The following FER variants were observed in gnomAD, a reference collection of about 807,000 sequenced individuals.
FER encodes the protein tyrosine-protein kinase Fer.
A neutral mutation model predicts 111.0 loss-of-function variants in FER; 63 were observed. That is an observed-to-expected ratio of 0.57 (90% CI 0.46 to 0.70). The LOEUF (loss-of-function observed/expected upper bound fraction) is 0.70, where lower values mean the gene tolerates loss of function less well. Ranked by LOEUF, FER falls within the 30% of genes least tolerant of loss-of-function variation. FER has a pLI of 0.00. For synonymous variants in FER, 327 were observed against 313.9 expected (o/e 1.04, Z -0.44); for missense variants, 914 against 954.0 (o/e 0.96, Z 0.55).
chr5:108,997,291 G>A (rs1233213409), intron 13 of FER, among the ~76,000 whole-genome samples: 13 of 150,950 alleles, frequency 8.6e-5, no homozygotes, highest in African/African-American at 2.9e-4. Context: ...GGTGGTGGGC[G>A]CCTGTAGTCC....
intron 16 of FER, among the ~76,000 whole-genome samples, chr5:109,053,025 G>C (rs1328248469): frequency 1.3e-5 from 2 of 152,098 alleles, no homozygotes; most frequent in African/African-American, 4.8e-5. Flanking sequence ...AGTCATGCAG[G>C]TATTTCAAAT....
chr5:108,800,813 G>A (rs1756558131), intron 3 of FER, among the ~76,000 whole-genome samples: 1 of 152,200 alleles, frequency 6.6e-6, no homozygotes, highest in Admixed American at 6.5e-5. Context: ...TTGGGAGGCC[G>A]AGATGGGCGG....
intron 3 of FER, among the ~76,000 whole-genome samples, chr5:108,809,206 C>T (rs1017258041): frequency 2.0e-5 from 3 of 152,076 alleles, no homozygotes; most frequent in African/African-American, 7.2e-5. Flanking sequence ...TTTACTTTTT[C>T]TCCTTCTTTC....
intron 13 of FER, among the ~76,000 whole-genome samples, chr5:108,988,854 T>C (rs1245566368): frequency 6.6e-6 from 1 of 152,144 alleles, no homozygotes; most frequent in African/African-American, 2.4e-5. Flanking sequence ...TTTGGTTTCT[T>C]CTTGTTTCTT....
intron 16 of FER, chr5:109,051,868 C>T: frequency 1.3e-6 from 2 of 1,564,784 alleles, no homozygotes; most frequent in South Asian, 1.1e-5. Context: ...AGAGAGGAAG[C>T]AGTCCACCTG....
chr5:109,017,680 A>G (rs188319167), intron 13 of FER, among the ~76,000 whole-genome samples: 70 of 152,092 alleles, frequency 4.6e-4, no homozygotes, highest in South Asian at 1.7e-3. Context: ...GATATATATC[A>G]TCATTGCTCT....
intron 3 of FER, among the ~76,000 whole-genome samples, chr5:108,831,121 G>T (rs538552629): frequency 2.6e-5 from 4 of 152,256 alleles, no homozygotes; most frequent in African/African-American, 9.6e-5. Flanking sequence ...ACCCAATTGT[G>T]TGGTTTTTTG....
chr5:109,095,853 G>A (rs1453604040), intron 16 of FER, among the ~76,000 whole-genome samples: 2 of 152,118 alleles, frequency 1.3e-5, no homozygotes, highest in African/African-American at 4.8e-5. Context: ...ATAATTGAAT[G>A]TAGCTAAACC....
intron 13 of FER, among the ~76,000 whole-genome samples, chr5:108,997,341 C>G (rs1764123484): frequency 6.6e-6 from 1 of 150,754 alleles, no homozygotes; most frequent in Admixed American, 6.6e-5. Flanking sequence ...TGGCGTGAAC[C>G]CAGGAGGCAG....
chr5:108,893,706 C>G (rs1441041597), intron 9 of FER, among the ~76,000 whole-genome samples: 1 of 151,634 alleles, frequency 6.6e-6, no homozygotes, highest in African/African-American at 2.4e-5. Flanking sequence ...CGAACAGCAA[C>G]AAGACAAAAG....
chr5:108,762,903 G>C (rs1751919751), intron 1 of FER, among the ~76,000 whole-genome samples: 1 of 152,122 alleles, frequency 6.6e-6, no homozygotes, highest in Non-Finnish European at 1.5e-5. Context: ...TATCTGTAAA[G>C]TCTTTAATCA....
intron 17 of FER, among the ~76,000 whole-genome samples, chr5:109,137,874 T>C (rs1753070068): frequency 6.6e-6 from 1 of 152,212 alleles, no homozygotes; most frequent in Non-Finnish European, 1.5e-5. Context: ...ATCTTTTTCT[T>C]ATGGACTTAC....
intron 9 of FER, among the ~76,000 whole-genome samples, chr5:108,888,582 T>G (rs1477428488): frequency 6.6e-6 from 1 of 151,882 alleles, no homozygotes; most frequent in Non-Finnish European, 1.5e-5. Context: ...CGTTTTAAAT[T>G]TATTTATGGC....
At chr5:108,985,239 T>C (rs1292557929) in intron 13 of FER, among the ~76,000 whole-genome samples, 1 of 152,154 alleles carries the variant, frequency 6.6e-6, no homozygotes, top group East Asian at 1.9e-4. Flanking sequence ...TGTACAAATA[T>C]AGCTCTGAAT....
intron 17 of FER, among the ~76,000 whole-genome samples, chr5:109,104,614 G>A (rs1748656834): frequency 6.6e-6 from 1 of 151,998 alleles, no homozygotes; most frequent in African/African-American, 2.4e-5. Context: ...GTAAGAGAGA[G>A]CTTGACTTAA....
rs1759600642 is a variant in FER at position 109,194,496 on chromosome 5, T to C, written c.*6921T>C. The C allele has an allele frequency of 6.6e-6, 1 of 152,200 alleles. No individual in the cohort carries two copies. The highest frequency in any genetic ancestry group is 1.5e-5 in the Non-Finnish European group (1 of 68,026). The allele number at this position is 152,200 out of a possible 1,614,324, so 9.4% of individuals were successfully genotyped here. A position where few individuals can be genotyped will look rare whatever the true frequency, so the allele number is the denominator to read the frequency against. On this transcript the variant is annotated 3_prime_UTR_variant, in exon 20 of 20. Transcript: ENST00000281092. ...ATCAGAATAAGCACGTTGTAAATAGTATCCAAAGCAGATTCTAAAATGACA... is the reference window on the plus strand; with the variant it reads ...ATCAGAATAAGCACGTTGTAAATAGCATCCAAAGCAGATTCTAAAATGACA...
At chr5:108,770,470 G>T (rs1752782299) in intron 2 of FER, among the ~76,000 whole-genome samples, 1 of 152,098 alleles carries the variant, frequency 6.6e-6, no homozygotes, top group African/African-American at 2.4e-5. Flanking sequence ...TTATTTCAAA[G>T]ATTTCCTTTT....
intron 17 of FER, among the ~76,000 whole-genome samples, chr5:109,166,319 T>G (rs565341007): frequency 6.6e-6 from 1 of 151,944 alleles, no homozygotes; most frequent in South Asian, 2.1e-4. Flanking sequence ...GAGTTCAAAG[T>G]TGAAGATGAG....
At chr5:109,154,516 G>A (rs921231895) in intron 17 of FER, among the ~76,000 whole-genome samples, 17 of 151,876 alleles carry the variant, frequency 1.1e-4, no homozygotes, top group African/African-American at 4.1e-4. Context: ...ATGGAAGAAT[G>A]AGTGGGTTAA....
Sources: gnomAD v4.1 joint callset for allele counts (sites outside exome capture counted in the v4.1 genomes callset) on GRCh38, gnomAD v4.1.1 for gene constraint, MANE v1.5 for transcripts, NCBI Gene and HGNC (gene_info 2026-07-23, HGNC 2026-07-21) for gene names.